Variants in DST observed in about 807,000 individuals in gnomAD.
DST encodes the protein bullous pemphigoid antigen.
Under a neutral mutation model 875.2 loss-of-function variants are expected in DST, and 253 were observed. That is an observed-to-expected ratio of 0.29 (90% CI 0.26 to 0.32). The LOEUF is 0.32. Ranked by LOEUF, DST falls within the 10% of genes least tolerant of loss-of-function variation. The probability of loss-of-function intolerance (pLI) is 1.00; values close to 1 mark genes in which losing one functional copy is unlikely to be tolerated. For missense variants in DST, 8,287 were observed against 9,111.6 expected, an observed-to-expected ratio of 0.91 and a Z score of 3.68; for synonymous variants, 3,124 against 3,197.1, an observed-to-expected ratio of 0.98 and a Z score of 0.77.
intron 9 of DST, among the ~76,000 whole-genome samples, chr6:56,696,698 G>A (rs2099266050): frequency 6.6e-6 from 1 of 151,996 alleles, no homozygotes; most frequent in Non-Finnish European, 1.5e-5. Context: ...ACAAACTATT[G>A]ACCTCTACTC....
intron 5 of DST, among the ~76,000 whole-genome samples, chr6:56,710,788 C>T (rs1589021508): frequency 6.6e-6 from 1 of 152,086 alleles, no homozygotes; most frequent in East Asian, 1.9e-4. Context: ...AACTACAATT[C>T]ATATTCTACC....
intron 5 of DST, among the ~76,000 whole-genome samples, chr6:56,731,668 G>C (rs2099499043): frequency 6.6e-6 from 1 of 152,134 alleles, no homozygotes; most frequent in Non-Finnish European, 1.5e-5. Flanking sequence ...GTATTTCGCT[G>C]TTTGGATGTA....
intron 4 of DST, among the ~76,000 whole-genome samples, chr6:56,755,519 A>T (rs906990110): frequency 1.3e-5 from 2 of 152,208 alleles, no homozygotes; most frequent in African/African-American, 4.8e-5. Flanking sequence ...GAAGAAACTG[A>T]GGTACTACTC....
At chr6:56,922,991 T>C (rs1348677855) in intron 2 of DST, among the ~76,000 whole-genome samples, 1 of 152,134 alleles carries the variant, frequency 6.6e-6, no homozygotes, top group Non-Finnish European at 1.5e-5. Flanking sequence ...CAAAACTTGA[T>C]AAACTCAAGG....
rs1243989913 is a variant in DST, at chr6:56,594,124, G to A, written c.12265C>T (p.Leu4089Phe). 6.2e-7 allele frequency: 1 copy of A among 1,601,546 alleles called. No homozygotes were observed. Among genetic ancestry groups the A allele is most frequent in the Non-Finnish European group, 8.5e-7 (1 of 1,175,570 alleles). The change falls in exon 48 of 104, where the codon CTT (leucine) becomes TTT (phenylalanine). Residue 4089 changes from leucine to phenylalanine, a missense_variant. Transcript: ENST00000680361. ...IIATQSAQVLLEKQGQYLSPE... is the reference protein window; with the variant it reads ...IIATQSAQVLFEKQGQYLSPE... ...GAGAGATACTGACCCTGTTTCTCAA[G>A]CAACACTTGTGCAGACTGAGTGGCT... is the stretch of plus-strand genomic sequence containing the variant.
chr6:56,925,691 C>G (rs1554262494), intron 2 of DST, among the ~76,000 whole-genome samples: 1 of 152,204 alleles, frequency 6.6e-6, no homozygotes, highest in Non-Finnish European at 1.5e-5. Flanking sequence ...TAAACATAAT[C>G]CCAAGTTCTC....
At chr6:56,476,714 T>TG (rs1449836799) in intron 91 of DST, among the ~76,000 whole-genome samples, 3 of 152,068 alleles carry the variant, frequency 2.0e-5, no homozygotes, top group Admixed American at 6.5e-5. Context: ...CCCAGCACTT[T>TG]GGGAGGCCGA....
At chr6:56,809,275 G>C (rs991553015) in intron 4 of DST, among the ~76,000 whole-genome samples, 3 of 152,106 alleles carry the variant, frequency 2.0e-5, no homozygotes, top group Admixed American at 2.0e-4. Flanking sequence ...AATGGGTCTG[G>C]TATCAGGGAA....
intron 4 of DST, among the ~76,000 whole-genome samples, chr6:56,764,316 A>G (rs1382671075): frequency 6.6e-6 from 1 of 152,218 alleles, no homozygotes; most frequent in Non-Finnish European, 1.5e-5. Context: ...AACCACTGTA[A>G]GGGCAAATAC....
At chr6:56,609,872 T>C (rs1368146730) in intron 39 of DST, among the ~76,000 whole-genome samples, 2 of 152,190 alleles carry the variant, frequency 1.3e-5, no homozygotes, top group Non-Finnish European at 2.9e-5. Flanking sequence ...AGGAATTAAA[T>C]ATAAAGATAA....
At chr6:56,651,590 A>T (rs2098976150) in intron 10 of DST, among the ~76,000 whole-genome samples, 1 of 152,202 alleles carries the variant, frequency 6.6e-6, no homozygotes, top group Non-Finnish European at 1.5e-5. Context: ...CATCCTGTCA[A>T]TGTTTTTCCT....
At chr6:56,926,482 A>G (rs1230724101) in intron 2 of DST, among the ~76,000 whole-genome samples, 1 of 152,176 alleles carries the variant, frequency 6.6e-6, no homozygotes, top group Non-Finnish European at 1.5e-5. Context: ...CCTGAGGGGA[A>G]GGAGGAACCA....
intron 36 of DST, chr6:56,618,400 G>A: frequency 6.2e-7 from 1 of 1,614,186 alleles, no homozygotes; most frequent in Non-Finnish European, 8.5e-7. Flanking sequence ...AATCTGGTTT[G>A]AAGGTACAGT....
intron 4 of DST, among the ~76,000 whole-genome samples, chr6:56,820,011 T>C (rs1473382688): frequency 6.6e-6 from 1 of 152,214 alleles, no homozygotes; most frequent in African/African-American, 2.4e-5. Context: ...TTAAAATTTA[T>C]CATAGCTACT....
chr6:56,615,780 C>T, intron 36 of DST: 1 of 1,614,216 alleles, frequency 6.2e-7, no homozygotes. Flanking sequence ...ATCAACCCTC[C>T]TGTCAAGTAC....
At position 56,627,298 on chromosome 6, in the gene DST, A is replaced by G. The variant is rs1372590087; in HGVS notation, c.4639-11T>C. 1.9e-6 allele frequency: 3 copies of G among 1,598,092 alleles called. 1 individual carries two copies. Among genetic ancestry groups the G allele is most frequent in the Non-Finnish European group, 2.6e-6 (3 of 1,166,414 alleles). The stretch of plus-strand genomic sequence containing the variant: ...TTCGGACACCAGCATCTATAAATAT[A>G]CACAGTTTAGAACAAAAATGACAAG... On this transcript the variant is annotated splice_polypyrimidine_tract_variant and intron_variant, in intron 33 of 103. Coordinates refer to ENST00000680361, the MANE Select transcript of DST (RefSeq NM_001374736.1).
Position 56,555,509 on chromosome 6 carries a change from T to A in DST, c.14972A>T (p.Gln4991Leu). Residue 4991 changes from glutamine to leucine, a missense_variant, in exon 60 of 104, where the codon CAA becomes CTA. Physicochemically the swap from Gln to Leu is moderately radical, Grantham distance 113. This residue lies in a region of DST where 1,513 missense variants were observed against 1,677.8 expected (regional missense o/e 0.90). Coordinates refer to ENST00000680361, the MANE Select transcript of DST (RefSeq NM_001374736.1). ...DAMNQQLETA[Q>L]KMKQEIQQEK... ...CTGCTGTATCTCCTGCTTCATTTTT[T>A]GGGCTGTTTCCAACTGTTGGTTCAT... 6.2e-7 allele frequency: 1 copy of A among 1,614,034 alleles called. No homozygotes were observed. The highest frequency in any genetic ancestry group is 8.5e-7 in the Non-Finnish European group (1 of 1,179,896).
At chr6:56,887,053 C>T (rs1262577595) in intron 3 of DST, among the ~76,000 whole-genome samples, 1 of 152,066 alleles carries the variant, frequency 6.6e-6, no homozygotes, top group Non-Finnish European at 1.5e-5. Context: ...GAGAAAAGTT[C>T]AGAGAGATAG....
chr6:56,531,987 A>C (rs1036806397), intron 64 of DST, among the ~76,000 whole-genome samples: 3 of 152,180 alleles, frequency 2.0e-5, no homozygotes, highest in Non-Finnish European at 2.9e-5. Flanking sequence ...AATGGCTATA[A>C]ACCCTCTTAG....
Sources: allele counts gnomAD v4.1 joint callset (sites outside exome capture counted in the v4.1 genomes callset), GRCh38; gene constraint gnomAD v4.1.1; regional missense constraint gnomAD v4.1.1; transcripts MANE v1.5; gene names NCBI Gene and HGNC (gene_info 2026-07-23, HGNC 2026-07-21).